AGFG1: variants seen among roughly 807,000 people sequenced by gnomAD.
AGFG1 encodes arf-GAP domain and FG repeat-containing protein 1.
In AGFG1, 10 loss-of-function variants were observed where a neutral mutation model predicts 60.6. The ratio of observed to expected loss-of-function variants is 0.16; its 90% CI spans 0.10 to 0.28. The LOEUF (loss-of-function observed/expected upper bound fraction) is 0.28, where lower values mean the gene tolerates loss of function less well. AGFG1 is among the 10% of genes least tolerant of loss of function. AGFG1 has a pLI of 1.00. For missense variants in AGFG1, 537 were observed against 676.5 expected, an observed-to-expected ratio of 0.79 and a Z score of 2.29; for synonymous variants, 247 against 242.9, an observed-to-expected ratio of 1.02 and a Z score of -0.16.
At chr2:227,500,251 A>G (rs1691114710) in intron 2 of AGFG1, among the ~76,000 whole-genome samples, 2 of 152,158 alleles carry the variant, frequency 1.3e-5, no homozygotes, top group African/African-American at 4.8e-5. Flanking sequence ...CTCTTACTGG[A>G]CCATGACTCC....
chr2:227,494,485 T>A (rs1366813982), intron 2 of AGFG1, among the ~76,000 whole-genome samples: 1 of 152,216 alleles, frequency 6.6e-6, no homozygotes, highest in Non-Finnish European at 1.5e-5. Context: ...TTTCCAAAAT[T>A]AAAAGATCAG....
At chr2:227,493,333 CCT>C (rs1402875374) in intron 2 of AGFG1, among the ~76,000 whole-genome samples, 7 of 152,046 alleles carry the variant, frequency 4.6e-5, no homozygotes, top group Non-Finnish European at 8.8e-5. Context: ...ATCTTCTGCC[CCT>C]GTTGCCCCGA....
At chr2:227,491,148 C>G (rs1690804310) in intron 1 of AGFG1, among the ~76,000 whole-genome samples, 1 of 152,006 alleles carries the variant, frequency 6.6e-6, no homozygotes, top group South Asian at 2.1e-4. Flanking sequence ...TTGTATAGCT[C>G]TGGTCTTATT....
At chr2:227,503,979 C>G (rs1204292911) in intron 2 of AGFG1, among the ~76,000 whole-genome samples, 1 of 151,984 alleles carries the variant, frequency 6.6e-6, no homozygotes, top group Non-Finnish European at 1.5e-5. Flanking sequence ...ACAGCTTGCT[C>G]TTTGAATACA....
At chr2:227,512,403 C>G (rs7584381) in intron 2 of AGFG1, among the ~76,000 whole-genome samples, 114,362 of 152,136 alleles carry the variant, frequency 0.75, 43,104 homozygotes, top group South Asian at 0.84. Context: ...ATGTGTCAGT[C>G]AGAAATACTA....
In AGFG1 at chr2:227,508,602, CATA is replaced by C. The variant is rs1267525125; in HGVS notation, c.262-11342_262-11340del. ...TCCTTGAAACCTTGCATATCAGATT[CATA>C]ATATCTTTGGGAGTGAGAATGCTTT... On this transcript the variant is annotated intron_variant, in intron 2 of 12. Transcript: ENST00000310078. 3 of 470,036 alleles carry C rather than the reference CATA, an allele frequency of 6.4e-6. No individual in the cohort carries two copies. In the East Asian group the frequency reaches 2.1e-4, roughly 33 times the overall value. 29.1% of individuals were successfully genotyped at this position (470,036 alleles called of 1,614,324 possible). A position where few individuals can be genotyped will look rare whatever the true frequency, so the allele number is the denominator to read the frequency against.
At chr2:227,494,392 C>T (rs1690914194) in intron 2 of AGFG1, among the ~76,000 whole-genome samples, 1 of 152,144 alleles carries the variant, frequency 6.6e-6, no homozygotes, top group African/African-American at 2.4e-5. Flanking sequence ...TGGAAAGGGC[C>T]ATATTCAGTC....
chr2:227,475,039 A>G (rs531615830), intron 1 of AGFG1, among the ~76,000 whole-genome samples: 6 of 152,218 alleles, frequency 3.9e-5, no homozygotes, highest in East Asian at 1.9e-4. Flanking sequence ...AGGACATGCC[A>G]TGAGTAAGGG....
At chr2:227,476,903 C>CT (rs55837522) in intron 1 of AGFG1, among the ~76,000 whole-genome samples, 13 of 110,694 alleles carry the variant, frequency 1.2e-4, no homozygotes, top group South Asian at 8.9e-4. Context: ...CTCTCTCTCT[C>CT]TTTTTTTTTT....
intron 1 of AGFG1, among the ~76,000 whole-genome samples, chr2:227,484,599 T>C (rs1373907942): frequency 6.6e-6 from 1 of 151,920 alleles, no homozygotes; most frequent in East Asian, 1.9e-4. Flanking sequence ...GCTTACCCCT[T>C]AGCATCTCAA....
chr2:227,480,670 C>T (rs891860685), intron 1 of AGFG1, among the ~76,000 whole-genome samples: 6 of 151,594 alleles, frequency 4.0e-5, no homozygotes, highest in Admixed American at 1.3e-4. Context: ...GCCTGCTGTG[C>T]GGCTCTCATA....
In AGFG1 at chr2:227,497,730, G is replaced by GTTTTTTTTTTTTTTTTTT. The variant is rs148621752; in HGVS notation, c.261+6094_261+6095insTTTTTTTTTTTTTTTTTT. ...ATATAGCCAAATGAGTTTCTTTCTT[G>GTTTTTTTTTTTTTTTTTT]TTTTGTTTTTTTTTTTTTTTTTTTT... is the stretch of plus-strand genomic sequence containing the variant. On this transcript the variant is annotated intron_variant, in intron 2 of 12. Coordinates refer to ENST00000310078, the MANE Select transcript of AGFG1 (RefSeq NM_004504.5). Among the ~76,000 whole-genome samples the GTTTTTTTTTTTTTTTTTT allele has an allele frequency of 9.0e-4, 35 of 38,924 alleles. 6 individuals are homozygous for GTTTTTTTTTTTTTTTTTT. Among genetic ancestry groups the GTTTTTTTTTTTTTTTTTT allele is most frequent in the African/African-American group, 2.3e-3 (30 of 13,230 alleles). The allele number at this position is 38,924 out of a possible 152,430, so 25.5% of individuals were successfully genotyped here.
chr2:227,520,847 A>G (rs903052135), intron 3 of AGFG1, among the ~76,000 whole-genome samples: 14 of 152,188 alleles, frequency 9.2e-5, no homozygotes, highest in Non-Finnish European at 1.8e-4. Context: ...CAGAGAGTCA[A>G]AATAGAGGGA....
rs187218077 is a variant in AGFG1 at position 227,521,035 on chromosome 2, G to A, written c.377+972G>A. ...TGACTTGCATGCTCTATCAAAATTT[G>A]TATTCTTACTACTTTCCAAAATAGA... On this transcript the variant is annotated intron_variant, in intron 3 of 12. Transcript: ENST00000310078. 2.4e-4 allele frequency among the ~76,000 whole-genome samples: 37 copies of A among 151,524 alleles called. 1 individual carries two copies. Among genetic ancestry groups the A allele is most frequent in the African/African-American group, 8.7e-4 (36 of 41,250 alleles).
intron 2 of AGFG1, among the ~76,000 whole-genome samples, chr2:227,513,508 T>A (rs1691555762): frequency 6.6e-6 from 1 of 152,176 alleles, no homozygotes; most frequent in Non-Finnish European, 1.5e-5. Context: ...AGTTTCCAGT[T>A]CCTATCAGGC....
intron 5 of AGFG1, among the ~76,000 whole-genome samples, chr2:227,530,086 G>C (rs1559189849): frequency 6.6e-6 from 1 of 152,088 alleles, no homozygotes; most frequent in Non-Finnish European, 1.5e-5. Flanking sequence ...TTTCTTTGAA[G>C]AGGAATGACA....
intron 2 of AGFG1, among the ~76,000 whole-genome samples, chr2:227,505,124 GTCT>G (rs1441063329): frequency 2.6e-5 from 4 of 151,962 alleles, no homozygotes; most frequent in African/African-American, 9.7e-5. Flanking sequence ...TAATTATTAT[GTCT>G]TCTTGATTAT....
At chr2:227,503,978 T>A (rs549871665) in intron 2 of AGFG1, among the ~76,000 whole-genome samples, 34 of 152,154 alleles carry the variant, frequency 2.2e-4, no homozygotes, top group Non-Finnish European at 4.3e-4. Context: ...TACAGCTTGC[T>A]CTTTGAATAC....
chr2:227,481,725 G>A (rs933451011), intron 1 of AGFG1, among the ~76,000 whole-genome samples: 1 of 152,238 alleles, frequency 6.6e-6, no homozygotes, highest in South Asian at 2.1e-4. Flanking sequence ...CAAGATAGGA[G>A]TTTTGATACA....
Sources: gnomAD v4.1 joint callset for allele counts (sites outside exome capture counted in the v4.1 genomes callset) on GRCh38, gnomAD v4.1.1 for gene constraint, MANE v1.5 for transcripts, NCBI Gene and HGNC (gene_info 2026-07-23, HGNC 2026-07-21) for gene names.